Variants in CSDE1 observed in about 807,000 individuals in gnomAD.
The protein encoded by CSDE1 is cold shock domain containing E1.
Under a neutral mutation model 89.3 loss-of-function variants are expected in CSDE1, and 17 were observed. The observed-to-expected ratio is 0.19, with a 90% confidence interval of 0.13 to 0.29. CSDE1 has a LOEUF of 0.29. Among genes scored for constraint, CSDE1 ranks in the 10% least tolerant of loss-of-function variants. The pLI, the probability that CSDE1 is intolerant of heterozygous loss-of-function variation, is 1.00. For missense variants in CSDE1, 672 were observed against 984.2 expected (o/e 0.68, Z 4.24); for synonymous variants, 322 against 332.8 (o/e 0.97, Z 0.35).
chr1:114,741,787 T>C (rs544034350), intron 2 of CSDE1: 16 of 761,856 alleles, frequency 2.1e-5, no homozygotes, highest in East Asian at 1.5e-4. Flanking sequence ...TAGATTTCTA[T>C]TGACAGGAAA....
intron 3 of CSDE1, 50 bp downstream of exon 3, chr1:114,739,642 C>T: frequency 6.6e-7 from 1 of 1,513,668 alleles, no homozygotes; most frequent in Non-Finnish European, 9.1e-7. Flanking sequence ...AATTGATATG[C>T]AAGACAAATT....
chr1:114,757,348 G>A (rs945873300), intron 1 of CSDE1, among the ~76,000 whole-genome samples: 3 of 151,960 alleles, frequency 2.0e-5, no homozygotes, highest in Admixed American at 1.3e-4. Context: ...ACACAAAGAA[G>A]GCGCCACTGC....
intron 2 of CSDE1, chr1:114,746,666 A>C (rs922704645): frequency 1.1e-4 from 17 of 152,190 alleles, no homozygotes; most frequent in African/African-American, 3.9e-4. Flanking sequence ...CTCTGAAAAA[A>C]GCAGGGCGAG....
chr1:114,737,816 C>T (rs1660486222), intron 4 of CSDE1, 147 bp downstream of exon 4: 2 of 665,770 alleles, frequency 3.0e-6, no homozygotes, highest in African/African-American at 1.8e-5. Flanking sequence ...AATGCCAGTG[C>T]TTTTGATTAA....
intron 12 of CSDE1, chr1:114,727,628 T>C (rs1171800205): frequency 6.6e-6 from 1 of 152,182 alleles, no homozygotes; most frequent in Non-Finnish European, 1.5e-5. Flanking sequence ...CATACTAGTA[T>C]TTCAACAATT....
At chr1:114,754,794 T>G (rs1393120276) in intron 1 of CSDE1, among the ~76,000 whole-genome samples, 1 of 152,244 alleles carries the variant, frequency 6.6e-6, no homozygotes, top group African/African-American at 2.4e-5. Flanking sequence ...TAGTAACAAC[T>G]GTGCTGGATT....
intron 18 of CSDE1, 39 bp downstream of exon 18, chr1:114,719,540 C>G: frequency 6.3e-7 from 1 of 1,598,412 alleles, no homozygotes; most frequent in South Asian, 1.1e-5. Flanking sequence ...TGAGACACTC[C>G]AGGGTAGTTA....
intron 3 of CSDE1, 121 bp downstream of exon 3, chr1:114,739,571 A>G: frequency 1.3e-6 from 1 of 761,160 alleles, no homozygotes; most frequent in Middle Eastern, 3.8e-4. Context: ...ACTAAACAGT[A>G]CAACTAAAAG....
At chr1:114,720,090 GTTA>G in intron 17 of CSDE1, 1 of 246,948 alleles carries the variant, frequency 4.0e-6, no homozygotes. Flanking sequence ...CATACAAAAT[GTTA>G]TTATTCTCTG....
intron 10 of CSDE1, among the ~76,000 whole-genome samples, chr1:114,732,259 T>G (rs919537817): frequency 1.3e-5 from 2 of 152,218 alleles, no homozygotes; most frequent in African/African-American, 2.4e-5. Flanking sequence ...CAGAAACCAC[T>G]AATTAAATGT....
chr1:114,726,431 C>A (rs773040823), intron 13 of CSDE1, 45 bp from the exon 14 acceptor site: 2 of 1,503,076 alleles, frequency 1.3e-6, no homozygotes, highest in Non-Finnish European at 1.8e-6. Context: ...CACTTCCACA[C>A]CAATCTCCTT....
chr1:114,755,199 G>A (rs1171106729), intron 1 of CSDE1, among the ~76,000 whole-genome samples: 1 of 152,188 alleles, frequency 6.6e-6, no homozygotes, highest in Non-Finnish European at 1.5e-5. Flanking sequence ...ACAGCCACAC[G>A]TGGCTGGCGG....
intron 12 of CSDE1, 79 bp downstream of exon 12, chr1:114,730,179 T>C: frequency 2.1e-6 from 3 of 1,453,086 alleles, no homozygotes; most frequent in Non-Finnish European, 1.9e-6. Context: ...GCTGATTATA[T>C]GTACTCTATT....
At chr1:114,750,610 A>G (rs1310067489) in intron 1 of CSDE1, among the ~76,000 whole-genome samples, 1 of 152,216 alleles carries the variant, frequency 6.6e-6, no homozygotes. Flanking sequence ...AACAGAGTAT[A>G]GGACAAAAAT....
chr1:114,725,048 G>T (rs1263507269), intron 15 of CSDE1, among the ~76,000 whole-genome samples, 173 bp downstream of exon 15: 1 of 152,218 alleles, frequency 6.6e-6, no homozygotes, highest in East Asian at 1.9e-4. Flanking sequence ...GTGGGTATGG[G>T]ATAGGGTCAG....
intron 1 of CSDE1, among the ~76,000 whole-genome samples, chr1:114,752,692 T>C (rs1177990886): frequency 6.6e-6 from 1 of 152,234 alleles, no homozygotes; most frequent in Non-Finnish European, 1.5e-5. Context: ...TATGTTGTGA[T>C]CTTCAAGGTG....
chr1:114,754,103 C>T (rs962553621), intron 1 of CSDE1, among the ~76,000 whole-genome samples: 2 of 152,222 alleles, frequency 1.3e-5, no homozygotes, highest in Non-Finnish European at 2.9e-5. Flanking sequence ...ATTCTCCTGC[C>T]TCAGCCTCCC....
chr1:114,723,492 A>G (rs552413052), intron 16 of CSDE1, among the ~76,000 whole-genome samples: 3 of 152,288 alleles, frequency 2.0e-5, no homozygotes, highest in South Asian at 4.1e-4. Flanking sequence ...GGGGGGAAAA[A>G]AACAGTAAAC....
chr1:114,723,799 A>C, intron 16 of CSDE1, 84 bp downstream of exon 16: 8 of 1,576,624 alleles, frequency 5.1e-6, no homozygotes, highest in Non-Finnish European at 7.0e-6. Flanking sequence ...AAACAACTGC[A>C]ATAAGCACCA....
Sources: allele counts gnomAD v4.1 joint callset (sites outside exome capture counted in the v4.1 genomes callset), GRCh38; gene constraint gnomAD v4.1.1; transcripts MANE v1.5; gene names NCBI Gene and HGNC (gene_info 2026-07-23, HGNC 2026-07-21).